The following PKHD1 variants were observed in gnomAD, a reference collection of about 807,000 sequenced individuals.
PKHD1 encodes PKHD1 ciliary IPT domain containing fibrocystin/polyductin.
A neutral mutation model predicts 412.0 loss-of-function variants in PKHD1; 291 were observed. The ratio of observed to expected loss-of-function variants is 0.71; its 90% CI spans 0.64 to 0.78. The LOEUF (loss-of-function observed/expected upper bound fraction) is 0.78. Among genes scored for constraint, PKHD1 ranks in the 30% least tolerant of loss-of-function variants. The probability of loss-of-function intolerance (pLI) is 0.00; values close to 1 mark genes in which losing one functional copy is unlikely to be tolerated. For synonymous variants in PKHD1, 1,777 were observed against 1,821.5 expected (o/e 0.98, Z 0.62); for missense variants, 4,825 against 4,950.7 (o/e 0.97, Z 0.76).
At chr6:51,926,692 C>G (rs1057246921) in intron 37 of PKHD1, among the ~76,000 whole-genome samples, 1 of 152,144 alleles carries the variant, frequency 6.6e-6, no homozygotes, top group Non-Finnish European at 1.5e-5. Context: ...ATTTAAGGAA[C>G]CCTTTCTTAA....
chr6:51,791,272 C>T lies in PKHD1; in HGVS notation c.8404G>A (p.Ala2802Thr). 1 of 1,613,982 alleles carries T rather than the reference C, an allele frequency of 6.2e-7. No individual in the cohort carries two copies. Among genetic ancestry groups the T allele is most frequent in the Non-Finnish European group, 8.5e-7 (1 of 1,179,886 alleles). The change falls in exon 53 of 67, where the codon GCA (alanine) becomes ACA (threonine). Residue 2802 changes from alanine to threonine, a missense_variant. Coordinates refer to ENST00000371117, the MANE Select transcript of PKHD1 (RefSeq NM_138694.4). ...TCCCCGCCTGCAATGACCATGCATGCCACACTCAGAACATTGCTTCTGTCC... is the reference window on the plus strand; with the variant it reads ...TCCCCGCCTGCAATGACCATGCATGTCACACTCAGAACATTGCTTCTGTCC... ...PVDRSNVLSV[A>T]CMVIAGGELK... is the part of the protein sequence containing the mutation.
At chr6:51,941,300 C>T (rs904551363) in intron 36 of PKHD1, among the ~76,000 whole-genome samples, 1 of 121,864 alleles carries the variant, frequency 8.2e-6, no homozygotes, top group Non-Finnish European at 1.6e-5. Context: ...CCAGGCCGGA[C>T]TGCGGACTGC....
At position 52,026,028 on chromosome 6, in the gene PKHD1, C is replaced by T. The variant is rs1409375709; in HGVS notation, c.3782G>A (p.Gly1261Asp). 1 of 1,614,072 alleles carries T rather than the reference C, an allele frequency of 6.2e-7. No homozygotes were observed. Among genetic ancestry groups the T allele is most frequent in the South Asian group, 1.1e-5 (1 of 91,078 alleles). Reference sequence around the variant, plus strand: ...CACGGCAGCTGGAACAGTGGGAGCGCCCGCATCGGGTATCTGGGGGGCTGG... The same window carrying T: ...CACGGCAGCTGGAACAGTGGGAGCGTCCGCATCGGGTATCTGGGGGGCTGG... ...TLPAPQIPDA[G>D]APTVPAAVEV... Residue 1261 changes from glycine (G) to aspartate (D), a missense_variant, in exon 32 of 67, where the codon GGC becomes GAC. Gly to Asp is a moderately conservative substitution (Grantham distance 94). Coordinates refer to ENST00000371117, the MANE Select transcript of PKHD1 (RefSeq NM_138694.4).
chr6:52,033,361 C>A (rs1357280945), intron 28 of PKHD1, among the ~76,000 whole-genome samples, 196 bp from the exon 29 acceptor site: 1 of 152,168 alleles, frequency 6.6e-6, no homozygotes, highest in African/African-American at 2.4e-5. Flanking sequence ...CCCACACCCA[C>A]AACACAGAGT....
chr6:51,826,420 A>C (rs911341165), intron 52 of PKHD1, among the ~76,000 whole-genome samples: 2 of 152,166 alleles, frequency 1.3e-5, no homozygotes, highest in African/African-American at 4.8e-5. Flanking sequence ...TCATATTTGC[A>C]CCCTTCAAAA....
intron 60 of PKHD1, among the ~76,000 whole-genome samples, chr6:51,708,648 T>G (rs561663974): frequency 3.4e-4 from 52 of 152,226 alleles, no homozygotes; most frequent in Non-Finnish European, 6.2e-4. Flanking sequence ...CTCTAATCTA[T>G]GGGCTTTTGC....
Position 52,025,560 on chromosome 6 carries a change from C to G in PKHD1, c.4250G>C (p.Arg1417Thr), listed in dbSNP as rs1271861442. 1 of 1,614,172 alleles carries G rather than the reference C, an allele frequency of 6.2e-7. No individual in the cohort carries two copies. The highest frequency in any genetic ancestry group is 1.1e-5 in the South Asian group (1 of 91,088). ...GAGGTCAACCCGAACTGACCTCCTT[C>G]TAGAGTTAAGAAGCAACCCCCTCAC... ...LTVRGLLLNS[R>T]RRSVRVDLSG... Residue 1417 changes from arginine (R) to threonine (T), a missense_variant, in exon 32 of 67, where the codon AGA becomes ACA. Arg to Thr is a moderately conservative substitution (Grantham distance 71). Transcript: ENST00000371117.
chr6:52,030,875 T>C (rs775615810), intron 29 of PKHD1, among the ~76,000 whole-genome samples: 2 of 152,170 alleles, frequency 1.3e-5, no homozygotes, highest in Non-Finnish European at 2.9e-5. Context: ...TTTAAATGGC[T>C]AAAAATATGC....
intron 6 of PKHD1, among the ~76,000 whole-genome samples, chr6:52,074,276 T>C (rs1379463587): frequency 3.3e-5 from 5 of 152,224 alleles, no homozygotes; most frequent in Non-Finnish European, 7.3e-5. Flanking sequence ...ACTGCACTTG[T>C]GTGTTATTAG....
chr6:52,080,882 GTTTCT>G (rs1320450860), intron 4 of PKHD1, among the ~76,000 whole-genome samples: 8 of 152,038 alleles, frequency 5.3e-5, no homozygotes, highest in Non-Finnish European at 7.4e-5. Flanking sequence ...AATTTCACTT[GTTTCT>G]TTTGACTTTT....
chr6:51,826,835 T>A (rs1268108751), intron 52 of PKHD1, among the ~76,000 whole-genome samples: 1 of 152,120 alleles, frequency 6.6e-6, no homozygotes, highest in Admixed American at 6.6e-5. Context: ...GATAGTGATG[T>A]CTTTTATTAG....
At chr6:51,966,368 T>C (rs745783446) in intron 35 of PKHD1, among the ~76,000 whole-genome samples, 13 of 152,262 alleles carry the variant, frequency 8.5e-5, no homozygotes, top group Non-Finnish European at 1.6e-4. Flanking sequence ...TGATTAGCTT[T>C]TACAAAGGAG....
chr6:51,652,168 C>G (rs2150379835), intron 61 of PKHD1, among the ~76,000 whole-genome samples: 1 of 152,122 alleles, frequency 6.6e-6, no homozygotes, highest in Middle Eastern at 3.4e-3. Context: ...GCTTCCAATA[C>G]CCAGTTAGGT....
At chr6:52,015,888 G>A (rs1466789822) in intron 34 of PKHD1, among the ~76,000 whole-genome samples, 1 of 152,136 alleles carries the variant, frequency 6.6e-6, no homozygotes, top group Non-Finnish European at 1.5e-5. Context: ...ACATTGAGCA[G>A]CACTATTGAA....
At chr6:51,925,653 T>C (rs1477141035) in intron 37 of PKHD1, among the ~76,000 whole-genome samples, 4 of 152,200 alleles carry the variant, frequency 2.6e-5, no homozygotes, top group African/African-American at 9.7e-5. Flanking sequence ...AAACTTAGAC[T>C]GAAGCATAGG....
chr6:51,872,193 A>T (rs2151788161), intron 46 of PKHD1, among the ~76,000 whole-genome samples: 1 of 151,658 alleles, frequency 6.6e-6, no homozygotes, highest in Middle Eastern at 3.4e-3. Flanking sequence ...AGAATTATCA[A>T]AGAAATAATT....
chr6:51,910,299 T>C (rs1051984313), intron 39 of PKHD1, among the ~76,000 whole-genome samples: 16 of 152,268 alleles, frequency 1.1e-4, no homozygotes, highest in African/African-American at 3.8e-4. Flanking sequence ...TTCATGTTAA[T>C]GATCCAAAGA....
intron 36 of PKHD1, among the ~76,000 whole-genome samples, chr6:51,957,514 AG>A (rs1366194458): frequency 6.6e-6 from 1 of 152,108 alleles, no homozygotes; most frequent in Non-Finnish European, 1.5e-5. Context: ...AGGCAATTTA[AG>A]ATGGTCTAGG....
At chr6:51,961,377 A>G (rs1300371152) in intron 35 of PKHD1, among the ~76,000 whole-genome samples, 1 of 152,184 alleles carries the variant, frequency 6.6e-6, no homozygotes, top group Admixed American at 6.6e-5. Flanking sequence ...TCTGCAAAGA[A>G]GTAAAAGTCT....
Sources: gnomAD v4.1 joint callset for allele counts (sites outside exome capture counted in the v4.1 genomes callset) on GRCh38, gnomAD v4.1.1 for gene constraint, MANE v1.5 for transcripts, NCBI Gene and HGNC (gene_info 2026-07-23, HGNC 2026-07-21) for gene names.